Variants in RALY observed in about 807,000 individuals in gnomAD.
RALY encodes RALY heterogeneous nuclear ribonucleoprotein.
Under a neutral mutation model 30.7 loss-of-function variants are expected in RALY, and 15 were observed. That is an observed-to-expected ratio of 0.49 (90% CI 0.33 to 0.75). The LOEUF (loss-of-function observed/expected upper bound fraction) is 0.75. Ranked by LOEUF, RALY falls within the 30% of genes least tolerant of loss-of-function variation. RALY has a pLI of 0.02. For synonymous variants in RALY, 177 were observed against 170.8 expected, an observed-to-expected ratio of 1.04 and a Z score of -0.28; for missense variants, 339 against 414.3, an observed-to-expected ratio of 0.82 and a Z score of 1.58.
intron 5 of RALY, 66 bp from the exon 6 acceptor site, chr20:34,075,808 G>A (rs746906345): frequency 6.5e-5 from 98 of 1,516,764 alleles, no homozygotes; most frequent in Non-Finnish European, 7.9e-5. Flanking sequence ...GTTTGTAGCC[G>A]GAGCTGCAAT....
intron 1 of RALY, among the ~76,000 whole-genome samples, chr20:34,026,742 C>T (rs1047863493): frequency 6.6e-6 from 1 of 152,080 alleles, no homozygotes; most frequent in African/African-American, 2.4e-5. Context: ...TTCCCATCCT[C>T]TTTTCTCTGC....
intron 2 of RALY, 121 bp from the exon 3 acceptor site, chr20:34,071,945 A>G (rs2033738989): frequency 1.8e-6 from 2 of 1,111,322 alleles, no homozygotes; most frequent in Non-Finnish European, 1.3e-6. Context: ...AGGAACAGGT[A>G]GGCTGGATGC....
intron 1 of RALY, among the ~76,000 whole-genome samples, chr20:33,997,425 TTAAAA>T (rs149151753): frequency 6.2e-4 from 94 of 152,254 alleles, no homozygotes; most frequent in Middle Eastern, 3.4e-3. Context: ...TATTACACCC[TTAAAA>T]TAGAACCGAG....
At chr20:33,994,861 G>A (rs574873268) in intron 1 of RALY, among the ~76,000 whole-genome samples, 1 of 152,224 alleles carries the variant, frequency 6.6e-6, no homozygotes, top group Non-Finnish European at 1.5e-5. Flanking sequence ...CTTCACCCAG[G>A]AACTTCCCAA....
chr20:34,021,480 A>G (rs985569564), intron 1 of RALY, among the ~76,000 whole-genome samples: 1 of 152,164 alleles, frequency 6.6e-6, no homozygotes, highest in African/African-American at 2.4e-5. Flanking sequence ...ACTCACTTTT[A>G]TAATAAACCC....
intron 2 of RALY, among the ~76,000 whole-genome samples, chr20:34,059,331 G>A (rs1238180455): frequency 2.0e-5 from 3 of 152,194 alleles, no homozygotes; most frequent in Admixed American, 2.0e-4. Flanking sequence ...TACTTGGCTG[G>A]AGTGCTGAAT....
chr20:34,071,575 G>C (rs905616280), intron 2 of RALY, among the ~76,000 whole-genome samples: 1 of 152,138 alleles, frequency 6.6e-6, no homozygotes, highest in Admixed American at 6.5e-5. Flanking sequence ...ACCATGCCCG[G>C]CCCCTGCAAT....
Position 33,997,752 on chromosome 20 carries a change from T to G in RALY, c.-93+3621T>G, listed in dbSNP as rs2030708320. ...AATGCCCTTTGACCGTTTTCTGTGT[T>G]GGTCCATTTAGGGGAGTGGGCTCTT... On this transcript the variant is annotated intron_variant, in intron 1 of 9. Coordinates refer to ENST00000246194, the MANE Select transcript of RALY (RefSeq NM_016732.3). Among the ~76,000 whole-genome samples the G allele has an allele frequency of 2.0e-5, 3 of 152,214 alleles. No individual in the cohort carries two copies. In the South Asian group the frequency reaches 6.2e-4, roughly 32 times the overall value.
intron 2 of RALY, among the ~76,000 whole-genome samples, chr20:34,060,742 A>G (rs1438279673): frequency 1.3e-5 from 2 of 152,216 alleles, no homozygotes; most frequent in Non-Finnish European, 2.9e-5. Flanking sequence ...TTTAACTCCT[A>G]CACACAGCAA....
intron 1 of RALY, among the ~76,000 whole-genome samples, chr20:33,996,071 T>C (rs1276377927): frequency 1.3e-5 from 2 of 152,264 alleles, no homozygotes; most frequent in African/African-American, 4.8e-5. Flanking sequence ...TTATGGCTTA[T>C]ATACTCTTCC....
intron 9 of RALY, among the ~76,000 whole-genome samples, chr20:34,078,874 A>G (rs1016864160): frequency 3.3e-5 from 5 of 152,184 alleles, no homozygotes; most frequent in Admixed American, 2.0e-4. Flanking sequence ...GACATAAGCC[A>G]TTACCACCTA....
At chr20:34,072,384 C>A in intron 3 of RALY, 54 bp downstream of exon 3, 3 of 1,553,702 alleles carry the variant, frequency 1.9e-6, no homozygotes, top group Non-Finnish European at 1.7e-6. Flanking sequence ...GCTGCTATCA[C>A]TATCCAGTTC....
intron 2 of RALY, among the ~76,000 whole-genome samples, chr20:34,036,986 T>C (rs1226997020): frequency 6.6e-6 from 1 of 152,236 alleles, no homozygotes; most frequent in Non-Finnish European, 1.5e-5. Context: ...TTTCTGCTGC[T>C]TTGGGTCTAG....
At chr20:34,050,218 C>G (rs2123169923) in intron 2 of RALY, among the ~76,000 whole-genome samples, 1 of 152,304 alleles carries the variant, frequency 6.6e-6, no homozygotes, top group Non-Finnish European at 1.5e-5. Flanking sequence ...AGGATTGAAT[C>G]TAGAAGTCTT....
At chr20:34,013,241 A>G (rs2031479207) in intron 1 of RALY, among the ~76,000 whole-genome samples, 2 of 151,688 alleles carry the variant, frequency 1.3e-5, no homozygotes, top group South Asian at 4.2e-4. Flanking sequence ...AAACAAACAA[A>G]CAAACAAAAT....
intron 2 of RALY, among the ~76,000 whole-genome samples, chr20:34,051,832 C>G (rs1343998253): frequency 6.6e-6 from 1 of 152,204 alleles, no homozygotes; most frequent in Non-Finnish European, 1.5e-5. Context: ...GTCTCCATCT[C>G]CTGACCTCGT....
chr20:34,043,384 C>T (rs2032767939), intron 2 of RALY, among the ~76,000 whole-genome samples: 2 of 152,200 alleles, frequency 1.3e-5, no homozygotes. Context: ...CTTTCCATCC[C>T]CACTGCTACC....
intron 1 of RALY, among the ~76,000 whole-genome samples, chr20:34,006,568 T>C (rs185900498): frequency 4.6e-5 from 7 of 152,338 alleles, no homozygotes; most frequent in South Asian, 2.1e-4. Context: ...ACATGCTGCA[T>C]AGAGATGTTT....
rs902132696 is a variant in RALY, at chr20:34,019,400, A to G, written c.-92-12122A>G. 5.3e-5 allele frequency among the ~76,000 whole-genome samples: 8 copies of G among 152,214 alleles called. No homozygotes were observed. The East Asian group carries it at 7.7e-4, about 15-fold the overall frequency. On this transcript the variant is annotated intron_variant, in intron 1 of 9. Coordinates refer to ENST00000246194, the MANE Select transcript of RALY (RefSeq NM_016732.3). ...CTTTAACTCAGCACAGGTGAGAGCA[A>G]CCTAGTGAGATGCCTGGTCTTGGCC...
Sources: allele counts gnomAD v4.1 joint callset (sites outside exome capture counted in the v4.1 genomes callset), GRCh38; gene constraint gnomAD v4.1.1; transcripts MANE v1.5; gene names NCBI Gene and HGNC (gene_info 2026-07-23, HGNC 2026-07-21).